Variants in ODAD2 observed in about 807,000 individuals in gnomAD.
ODAD2 encodes the protein outer dynein arm-docking complex subunit 2.
In ODAD2, 89 loss-of-function variants were observed where a neutral mutation model predicts 106.8. That is an observed-to-expected ratio of 0.83 (90% CI 0.70 to 0.99). ODAD2 has a LOEUF of 0.99. Ranked by LOEUF, ODAD2 falls within the 50% of genes least tolerant of loss-of-function variation. The probability of loss-of-function intolerance (pLI) is 0.00; values close to 1 mark genes in which losing one functional copy is unlikely to be tolerated. For missense variants in ODAD2, 1,168 were observed against 1,238.5 expected (o/e 0.94, Z 0.85); for synonymous variants, 404 against 436.2 (o/e 0.93, Z 0.92).
chr10:27,952,841 T>C (rs1314701034), intron 10 of ODAD2, among the ~76,000 whole-genome samples: 2 of 152,194 alleles, frequency 1.3e-5, no homozygotes, highest in African/African-American at 4.8e-5. Context: ...ATATTTGCTT[T>C]CTGTAAGGAG....
Position 27,944,872 on chromosome 10 carries a change from C to G in ODAD2, c.1477G>C (p.Val493Leu), listed in dbSNP as rs1454397199. 2.5e-6 allele frequency: 4 copies of G among 1,614,180 alleles called. No individual in the cohort carries two copies. The highest frequency in any genetic ancestry group is 2.5e-6 in the Non-Finnish European group (3 of 1,180,012). ...TTTATCAGCACTTCCAGGCCTCCAA[C>G]ATCTCTGATGGCCAACTGGCAGGTT... The part of the protein sequence containing the change: ...QETCQLAIRD[V>L]GGLEVLINLL... Residue 493 changes from valine to leucine, a missense_variant, in exon 11 of 20, where the codon GTT (valine) becomes CTT (leucine). Physicochemically the swap from Val to Leu is conservative, Grantham distance 32 (BLOSUM62 1). Transcript: ENST00000305242.
intron 17 of ODAD2, among the ~76,000 whole-genome samples, chr10:27,901,057 CAGAG>C (rs1265242446): frequency 6.6e-6 from 1 of 152,044 alleles, no homozygotes; most frequent in Admixed American, 6.5e-5. Context: ...TTAAGGCAGC[CAGAG>C]AGAAATGTTG....
At chr10:27,935,332 A>G (rs1845897079) in intron 15 of ODAD2, 80 bp from the exon 16 acceptor site, 1 of 1,514,736 alleles carries the variant, frequency 6.6e-7, no homozygotes, top group South Asian at 1.2e-5. Flanking sequence ...TTCAATCCTT[A>G]CAACAACCCA....
At chr10:27,936,937 G>A in intron 14 of ODAD2, 57 bp from the exon 15 acceptor site, 1 of 1,528,512 alleles carries the variant, frequency 6.5e-7, no homozygotes, top group Non-Finnish European at 8.8e-7. Flanking sequence ...AGCTTTCAAT[G>A]ATGCTAAAAA....
intron 17 of ODAD2, among the ~76,000 whole-genome samples, chr10:27,894,821 C>T (rs1029365059): frequency 3.3e-5 from 5 of 152,072 alleles, no homozygotes; most frequent in African/African-American, 1.2e-4. Context: ...CCCACTTGGC[C>T]TCTCAAGTTC....
At chr10:27,851,262 T>C (rs1839240882) in intron 19 of ODAD2, among the ~76,000 whole-genome samples, 1 of 152,104 alleles carries the variant, frequency 6.6e-6, no homozygotes, top group Non-Finnish European at 1.5e-5. Context: ...CCTACTCTAG[T>C]CTTGCTAACA....
intron 17 of ODAD2, among the ~76,000 whole-genome samples, chr10:27,889,067 A>C (rs1279286017): frequency 2.0e-5 from 3 of 152,206 alleles, no homozygotes; most frequent in African/African-American, 7.2e-5. Context: ...AGGACAATAA[A>C]ACAAAAGTGT....
At chr10:27,907,199 G>A (rs1843660406) in intron 17 of ODAD2, among the ~76,000 whole-genome samples, 1 of 152,188 alleles carries the variant, frequency 6.6e-6, no homozygotes, top group South Asian at 2.1e-4. Flanking sequence ...TTTAGTGACA[G>A]ATAAGAAAAG....
Position 27,981,461 on chromosome 10 carries a change from C to T in ODAD2, c.936+5G>A. 9 of 1,495,434 alleles carry T rather than the reference C, an allele frequency of 6.0e-6. No homozygotes were observed. Among genetic ancestry groups the T allele is most frequent in the Non-Finnish European group, 8.0e-6 (9 of 1,131,200 alleles). The allele number at this position is 1,495,434 out of a possible 1,614,324, so 92.6% of individuals were successfully genotyped here. A position where few individuals can be genotyped will look rare whatever the true frequency, so the allele number is the denominator to read the frequency against. Reference sequence around the variant, plus strand: ...TGAAAGCTCAAAAGAAACCATAAAACTTACCAATTTAGACATATTTTCTGA... The same window carrying T: ...TGAAAGCTCAAAAGAAACCATAAAATTTACCAATTTAGACATATTTTCTGA... On this transcript the variant is annotated splice_donor_5th_base_variant and intron_variant, in intron 7 of 19. Transcript: ENST00000305242.
intron 19 of ODAD2, among the ~76,000 whole-genome samples, chr10:27,852,025 T>A (rs771155775): frequency 6.6e-6 from 1 of 152,208 alleles, no homozygotes; most frequent in Admixed American, 6.5e-5. Context: ...TGGAGCACCA[T>A]GTTTAAAGTT....
chr10:27,839,811 T>A (rs1226031795), intron 19 of ODAD2, among the ~76,000 whole-genome samples: 1 of 152,202 alleles, frequency 6.6e-6, no homozygotes, highest in Non-Finnish European at 1.5e-5. Context: ...TTGCACAGAT[T>A]TAAAATGGTG....
At chr10:27,944,078 T>C in intron 12 of ODAD2, 144 bp downstream of exon 12, 1 of 681,996 alleles carries the variant, frequency 1.5e-6, no homozygotes, top group Non-Finnish European at 2.5e-6. Context: ...AAAATAATTC[T>C]TAAGGGCAAG....
At chr10:27,995,972 T>C (rs1409235128) in intron 1 of ODAD2, among the ~76,000 whole-genome samples, 1 of 151,962 alleles carries the variant, frequency 6.6e-6, no homozygotes, top group Non-Finnish European at 1.5e-5. Flanking sequence ...ATCAGAAGAG[T>C]CTAGCAGTAA....
At chr10:27,834,143 T>C (rs1837687022) in intron 19 of ODAD2, among the ~76,000 whole-genome samples, 1 of 152,214 alleles carries the variant, frequency 6.6e-6, no homozygotes, top group African/African-American at 2.4e-5. Flanking sequence ...ACAAGTCCTA[T>C]GAATGCATTG....
intron 17 of ODAD2, among the ~76,000 whole-genome samples, chr10:27,893,693 G>A (rs1005146931): frequency 3.3e-5 from 5 of 152,184 alleles, no homozygotes; most frequent in Admixed American, 6.5e-5. Flanking sequence ...AGAAAGCTGA[G>A]CCATTAACTT....
chr10:27,995,083 G>A lies in ODAD2; in HGVS notation c.60C>T (p.Ile20=), dbSNP rs778962675. The change falls in exon 2 of 20, where the codon ATC becomes ATT. Residue 20 remains isoleucine (I), a synonymous_variant. Coordinates refer to ENST00000305242, the MANE Select transcript of ODAD2 (RefSeq NM_018076.5). ...QWTAAGHGTG[I]LEITPLNEAI... ...CTTCATTTAGAGGGGTGATTTCGAG[G>A]ATTCCAGTTCCATGTCCGGCAGCAG... 1 of 1,614,036 alleles carries A rather than the reference G, an allele frequency of 6.2e-7. No individual in the cohort carries two copies. The highest frequency in any genetic ancestry group is 8.5e-7 in the Non-Finnish European group (1 of 1,180,030).
intron 10 of ODAD2, among the ~76,000 whole-genome samples, chr10:27,950,629 C>T (rs1292082182): frequency 2.0e-5 from 3 of 152,204 alleles, no homozygotes; most frequent in Admixed American, 6.5e-5. Context: ...CTCTGTCGTG[C>T]GGGCTGGAGT....
intron 2 of ODAD2, among the ~76,000 whole-genome samples, chr10:27,994,212 C>CTTTCAAA (rs1401707694): frequency 2.6e-5 from 4 of 151,850 alleles, no homozygotes; most frequent in Non-Finnish European, 5.9e-5. Flanking sequence ...AGGCTCTAAT[C>CTTTCAAA]TGAGGACACC....
At chr10:27,940,265 G>GAT (rs10658729) in intron 13 of ODAD2, among the ~76,000 whole-genome samples, 3 of 146,816 alleles carry the variant, frequency 2.0e-5, no homozygotes, top group African/African-American at 5.3e-5. Context: ...CAGTATATGT[G>GAT]ATATATATAT....
Sources: allele counts gnomAD v4.1 joint callset (sites outside exome capture counted in the v4.1 genomes callset), GRCh38; gene constraint gnomAD v4.1.1; transcripts MANE v1.5; gene names NCBI Gene and HGNC (gene_info 2026-07-23, HGNC 2026-07-21).